The following ROCK1 variants were observed in gnomAD, a reference collection of about 807,000 sequenced individuals.
ROCK1 encodes rho-associated protein kinase 1.
In ROCK1, 36 loss-of-function variants were observed where a neutral mutation model predicts 196.8. The observed-to-expected ratio is 0.18, with a 90% CI of 0.14 to 0.24. The LOEUF is 0.24. ROCK1 is among the 10% of genes least tolerant of loss of function. The pLI is 1.00. For missense variants in ROCK1, 920 were observed against 1,562.0 expected (o/e 0.59, Z 6.93); for synonymous variants, 443 against 515.9 (o/e 0.86, Z 1.91).
intron 12 of ROCK1, among the ~76,000 whole-genome samples, chr18:21,018,226 A>T (rs978831815): frequency 6.6e-6 from 1 of 151,484 alleles, no homozygotes; most frequent in Non-Finnish European, 1.5e-5. Context: ...TTGTCTTTTA[A>T]TTTTGTTTAA....
intron 2 of ROCK1, among the ~76,000 whole-genome samples, chr18:21,061,084 T>A (rs188932806): frequency 3.4e-4 from 52 of 151,684 alleles, no homozygotes; most frequent in Middle Eastern, 3.4e-3. Context: ...GCTTTTATTT[T>A]TTTTTTTTTT....
chr18:21,040,849 G>A (rs1393024594), intron 8 of ROCK1, among the ~76,000 whole-genome samples: 2 of 152,114 alleles, frequency 1.3e-5, no homozygotes, highest in East Asian at 1.9e-4. Flanking sequence ...AATTGGCCAG[G>A]TGCGGTGGCT....
At chr18:21,050,014 G>A in intron 2 of ROCK1, 134 bp from the exon 3 acceptor site, 2 of 504,390 alleles carry the variant, frequency 4.0e-6, no homozygotes, top group Admixed American at 4.2e-5. Flanking sequence ...AAAATATGGT[G>A]AAACTTGAAG....
At chr18:21,013,398 A>G (rs1364783042) in intron 13 of ROCK1, among the ~76,000 whole-genome samples, 3 of 152,172 alleles carry the variant, frequency 2.0e-5, no homozygotes, top group African/African-American at 7.2e-5. Flanking sequence ...GAGTTCTGGC[A>G]CTCTACCAGG....
intron 1 of ROCK1, among the ~76,000 whole-genome samples, chr18:21,091,995 TAA>T (rs368343533): frequency 0.01 from 1,531 of 152,008 alleles, 20 homozygotes; most frequent in African/African-American, 0.036. Context: ...ATAAATAAAA[TAA>T]AAAACTGTTA....
At chr18:21,045,157 C>A (rs1435808242) in intron 5 of ROCK1, 135 bp downstream of exon 5, 52 of 739,850 alleles carry the variant, frequency 7.0e-5, no homozygotes, top group Non-Finnish European at 1.0e-4. Flanking sequence ...CAGCGCCTGG[C>A]CAGAGTCTTG....
intron 11 of ROCK1, among the ~76,000 whole-genome samples, chr18:21,022,760 C>T (rs764184472): frequency 6.6e-6 from 1 of 151,942 alleles, no homozygotes; most frequent in Non-Finnish European, 1.5e-5. Flanking sequence ...GCTTTAGTAC[C>T]CTTTATTGTT....
At chr18:20,960,586 C>T (rs1451006716) in intron 27 of ROCK1, 1 of 165,652 alleles carries the variant, frequency 6.0e-6, no homozygotes, top group African/African-American at 2.4e-5. Flanking sequence ...AAAAATAATG[C>T]AGCAAGTGGA....
chr18:20,959,107 A>ATAATATATATAATAT (rs2035293364), intron 29 of ROCK1, among the ~76,000 whole-genome samples: 2 of 50,588 alleles, frequency 4.0e-5, no homozygotes, highest in African/African-American at 2.8e-4. Context: ...TATATATTAT[A>ATAATATATATAATAT]TATATATTAT....
chr18:20,958,627 G>T (rs1409909391), intron 29 of ROCK1, among the ~76,000 whole-genome samples: 1 of 150,904 alleles, frequency 6.6e-6, no homozygotes, highest in African/African-American at 2.4e-5. Context: ...CTACACAGTT[G>T]TTCTTTTATA....
At chr18:21,018,215 C>T (rs2035881263) in intron 12 of ROCK1, among the ~76,000 whole-genome samples, 1 of 151,854 alleles carries the variant, frequency 6.6e-6, no homozygotes, top group South Asian at 2.1e-4. Context: ...CAGTTTGTCA[C>T]TTGTCTTTTA....
intron 10 of ROCK1, among the ~76,000 whole-genome samples, chr18:21,025,834 T>C (rs2035951143): frequency 1.3e-5 from 2 of 152,234 alleles, no homozygotes; most frequent in South Asian, 4.1e-4. Context: ...ATACTATATT[T>C]ATTTGTCAAT....
intron 1 of ROCK1, among the ~76,000 whole-genome samples, chr18:21,079,228 G>A (rs1262137292): frequency 7.9e-5 from 12 of 152,142 alleles, no homozygotes; most frequent in Non-Finnish European, 7.3e-5. Flanking sequence ...TTCCTTGCAG[G>A]AGTGAAGTTT....
chr18:20,981,766 A>G (rs1348328473), intron 21 of ROCK1, among the ~76,000 whole-genome samples: 1 of 152,250 alleles, frequency 6.6e-6, no homozygotes, highest in Non-Finnish European at 1.5e-5. Flanking sequence ...ATGAAAAAAG[A>G]ATAAGGGCTT....
At chr18:21,004,980 A>AGCT (rs2035756438) in intron 16 of ROCK1, among the ~76,000 whole-genome samples, 1 of 152,176 alleles carries the variant, frequency 6.6e-6, no homozygotes, top group Non-Finnish European at 1.5e-5. Flanking sequence ...ACTGAATTAT[A>AGCT]GCTAATCATC....
At chr18:21,009,036 T>C (rs1480044010) in intron 13 of ROCK1, among the ~76,000 whole-genome samples, 1 of 152,132 alleles carries the variant, frequency 6.6e-6, no homozygotes, top group Admixed American at 6.6e-5. Context: ...TCACTAGTTA[T>C]AGCCACACCC....
intron 1 of ROCK1, among the ~76,000 whole-genome samples, chr18:21,074,751 C>T (rs1474239631): frequency 1.3e-5 from 2 of 152,060 alleles, no homozygotes; most frequent in Admixed American, 6.5e-5. Context: ...AAAATACTTC[C>T]TGTCTCTCAG....
At chr18:21,055,101 T>C (rs2036235977) in intron 2 of ROCK1, among the ~76,000 whole-genome samples, 6 of 152,218 alleles carry the variant, frequency 3.9e-5, no homozygotes, top group Admixed American at 3.9e-4. Flanking sequence ...TTTAATGTCA[T>C]GAGCTCTCTT....
rs539068020 is a variant in ROCK1, at chr18:21,006,192, C to A, written c.1885+159G>T. ...ATTGTGCTAAGTGAAAAAAGCCAGACGCAAAAGGACAAACACTGTATGATT... is the reference window on the plus strand; with the variant it reads ...ATTGTGCTAAGTGAAAAAAGCCAGAAGCAAAAGGACAAACACTGTATGATT... On this transcript the variant is annotated intron_variant, in intron 16 of 32. Transcript: ENST00000399799. 4.5e-4 allele frequency among the ~76,000 whole-genome samples: 68 copies of A among 152,210 alleles called. 2 individuals carry two copies. In the South Asian group the frequency reaches 0.012, roughly 27 times the overall value.
Sources: allele counts gnomAD v4.1 joint callset (sites outside exome capture counted in the v4.1 genomes callset), GRCh38; gene constraint gnomAD v4.1.1; transcripts MANE v1.5; gene names NCBI Gene and HGNC (gene_info 2026-07-23, HGNC 2026-07-21).